Variants in GLI3 observed in about 807,000 individuals in gnomAD.
GLI3 encodes the protein GLI family zinc finger 3.
Under a neutral mutation model 100.8 loss-of-function variants are expected in GLI3, and 20 were observed. That is an observed-to-expected ratio of 0.20 (90% CI 0.14 to 0.29). The LOEUF is 0.29. Ranked by LOEUF, GLI3 falls within the 10% of genes least tolerant of loss-of-function variation. The probability of loss-of-function intolerance (pLI) is 1.00; values close to 1 mark genes in which losing one functional copy is unlikely to be tolerated. For synonymous variants in GLI3, 938 were observed against 860.5 expected (o/e 1.09, Z -1.58); for missense variants, 2,040 against 2,128.5 (o/e 0.96, Z 0.82).
chr7:41,965,606 G>C lies in GLI3; in HGVS notation c.3467C>G (p.Thr1156Ser). 1.9e-6 allele frequency: 3 copies of C among 1,608,044 alleles called. No homozygotes were observed. Among genetic ancestry groups the C allele is most frequent in the Non-Finnish European group, 2.6e-6 (3 of 1,175,158 alleles). The change falls in exon 15 of 15, where the codon ACC becomes AGC. Residue 1156 changes from threonine to serine, a missense_variant. Transcript: ENST00000395925. ...LEQPCPEGSKTDLPIQWNEVS... is the reference protein window; with the variant it reads ...LEQPCPEGSKSDLPIQWNEVS... ...TTCGTTCCACTGAATGGGCAGGTCG[G>C]TTTTGCTGCCCTCGGGGCAGGGCTG...
Position 42,223,165 on chromosome 7 carries a change from C to T in GLI3, c.89G>A (p.Ser30Asn), listed in dbSNP as rs1389494764. The T allele has an allele frequency of 1.2e-6, 2 of 1,613,922 alleles. No individual in the cohort carries two copies. The highest frequency in any genetic ancestry group is 2.7e-5 in the African/African-American group (2 of 74,902). Residue 30 changes from serine (S) to asparagine (N), a missense_variant, in exon 2 of 15, where the codon AGC (serine) becomes AAC (asparagine). This residue lies in a region of GLI3 where 603 missense variants were observed against 690.9 expected (regional missense o/e 0.87). Coordinates refer to ENST00000395925, the MANE Select transcript of GLI3 (RefSeq NM_000168.6). ...GGTGCTGGAGGCAACGGCTTTCTCGCTCACATCTGTTCGAGTGGAGCACTT... is the reference window on the plus strand; with the variant it reads ...GGTGCTGGAGGCAACGGCTTTCTCGTTCACATCTGTTCGAGTGGAGCACTT... The part of the protein sequence containing the change: ...IVKCSTRTDV[S>N]EKAVASSTTS...
At chr7:42,173,528 T>C (rs1314567627) in intron 2 of GLI3, among the ~76,000 whole-genome samples, 1 of 152,208 alleles carries the variant, frequency 6.6e-6, no homozygotes, top group Middle Eastern at 3.2e-3. Flanking sequence ...ATTATAATAT[T>C]CTCCAGTCAT....
chr7:41,968,031 T>C, intron 13 of GLI3, 108 bp from the exon 14 acceptor site: 2 of 936,170 alleles, frequency 2.1e-6, no homozygotes, highest in South Asian at 1.3e-5. Context: ...CATCAGTTGG[T>C]TGAATGAGAA....
intron 2 of GLI3, among the ~76,000 whole-genome samples, chr7:42,183,214 ACT>A (rs1787652566): frequency 6.6e-6 from 1 of 151,768 alleles, no homozygotes; most frequent in South Asian, 2.1e-4. Flanking sequence ...ACAGAATGAG[ACT>A]CTGTCTCAAA....
At chr7:42,078,448 C>T (rs1784926858) in intron 3 of GLI3, among the ~76,000 whole-genome samples, 1 of 152,144 alleles carries the variant, frequency 6.6e-6, no homozygotes, top group Non-Finnish European at 1.5e-5. Context: ...TTCATAGAAG[C>T]TCTGTGGTCT....
intron 2 of GLI3, among the ~76,000 whole-genome samples, chr7:42,148,921 A>G (rs1349560957): frequency 2.6e-5 from 4 of 152,168 alleles, no homozygotes; most frequent in Non-Finnish European, 4.4e-5. Context: ...CCAGCTACCC[A>G]CTGAGGCTCT....
intron 3 of GLI3, among the ~76,000 whole-genome samples, chr7:42,097,548 A>T (rs1403249313): frequency 6.6e-6 from 1 of 152,150 alleles, no homozygotes; most frequent in Non-Finnish European, 1.5e-5. Flanking sequence ...GGAGCACGGG[A>T]CCCAGCAGGG....
chr7:42,147,093 C>A (rs2128785966), intron 3 of GLI3, among the ~76,000 whole-genome samples: 1 of 152,142 alleles, frequency 6.6e-6, no homozygotes, highest in Admixed American at 6.5e-5. Context: ...CCATCTTTTC[C>A]AACAATATAA....
intron 2 of GLI3, among the ~76,000 whole-genome samples, chr7:42,208,292 G>A (rs1241836105): frequency 3.9e-5 from 6 of 152,154 alleles, no homozygotes; most frequent in South Asian, 4.1e-4. Flanking sequence ...AGTCAGAGGC[G>A]TCCTGCATTC....
intron 10 of GLI3, among the ~76,000 whole-genome samples, chr7:41,980,795 T>A (rs933607840): frequency 3.9e-5 from 6 of 152,198 alleles, no homozygotes; most frequent in African/African-American, 1.4e-4. Flanking sequence ...CATGCTTTTA[T>A]GAGGATGTGC....
intron 3 of GLI3, among the ~76,000 whole-genome samples, chr7:42,098,346 G>A (rs1363935700): frequency 1.3e-5 from 2 of 151,990 alleles, no homozygotes; most frequent in African/African-American, 4.8e-5. Context: ...CTACATTTTA[G>A]CCCCATGTCA....
At chr7:42,183,926 C>G (rs1310430089) in intron 2 of GLI3, among the ~76,000 whole-genome samples, 1 of 152,172 alleles carries the variant, frequency 6.6e-6, no homozygotes, top group Non-Finnish European at 1.5e-5. Context: ...AAATCGGGAG[C>G]CAGAAATGTA....
chr7:42,120,263 C>A (rs982115975), intron 3 of GLI3, among the ~76,000 whole-genome samples: 1 of 152,148 alleles, frequency 6.6e-6, no homozygotes, highest in Non-Finnish European at 1.5e-5. Flanking sequence ...TTTGTTTAAT[C>A]GAGAAATCTG....
chr7:42,236,053 T>A (rs1254878197), intron 1 of GLI3, among the ~76,000 whole-genome samples: 1 of 151,682 alleles, frequency 6.6e-6, no homozygotes, highest in Non-Finnish European at 1.5e-5. Flanking sequence ...GGGGACGGCA[T>A]CTTACAGAAG....
intron 4 of GLI3, among the ~76,000 whole-genome samples, chr7:42,059,689 C>T (rs1784529533): frequency 6.6e-6 from 1 of 152,178 alleles, no homozygotes; most frequent in Non-Finnish European, 1.5e-5. Flanking sequence ...TGGAGAGCTG[C>T]TCTCATTGGT....
intron 2 of GLI3, chr7:42,152,442 C>T (rs1179839294): frequency 1.4e-5 from 14 of 985,060 alleles, no homozygotes; most frequent in Non-Finnish European, 1.7e-5. Context: ...GGAACATTCT[C>T]GGTATCTCTC....
At chr7:42,158,742 C>T (rs1452460708) in intron 2 of GLI3, among the ~76,000 whole-genome samples, 4 of 152,238 alleles carry the variant, frequency 2.6e-5, no homozygotes, top group African/African-American at 9.6e-5. Flanking sequence ...CCACCCGCCT[C>T]GGCCTCCCAA....
chr7:42,258,611 G>C (rs575060201), intron 1 of GLI3, among the ~76,000 whole-genome samples: 2 of 152,184 alleles, frequency 1.3e-5, no homozygotes, highest in Non-Finnish European at 2.9e-5. Flanking sequence ...ATACAGAATA[G>C]AAATTTATTT....
chr7:42,222,980 C>T (rs1352976727), intron 2 of GLI3, 150 bp downstream of exon 2: 7 of 868,084 alleles, frequency 8.1e-6, no homozygotes, highest in Non-Finnish European at 1.3e-5. Context: ...TCCATGTCCC[C>T]CCGCCGTCCC....
Sources: gnomAD v4.1 joint callset for allele counts (sites outside exome capture counted in the v4.1 genomes callset) on GRCh38, gnomAD v4.1.1 for gene constraint, gnomAD v4.1.1 regional missense constraint, MANE v1.5 for transcripts, NCBI Gene and HGNC (gene_info 2026-07-23, HGNC 2026-07-21) for gene names.